Variants in CORO1C observed in about 807,000 individuals in gnomAD.
CORO1C encodes coronin 1C, also known as coronin-1C.
A neutral mutation model predicts 51.2 loss-of-function variants in CORO1C; 14 were observed. That is an observed-to-expected ratio of 0.27 (90% CI 0.18 to 0.43). CORO1C has a LOEUF of 0.43. Among genes scored for constraint, CORO1C ranks in the 20% least tolerant of loss-of-function variants. The probability of loss-of-function intolerance (pLI) is 1.00; values close to 1 mark genes in which losing one functional copy is unlikely to be tolerated. For missense variants in CORO1C, 417 were observed against 607.8 expected (o/e 0.69, Z 3.30); for synonymous variants, 181 against 210.5 (o/e 0.86, Z 1.21).
At chr12:108,679,301 T>C (rs954246832) in intron 2 of CORO1C, among the ~76,000 whole-genome samples, 1 of 152,164 alleles carries the variant, frequency 6.6e-6, no homozygotes, top group Admixed American at 6.6e-5. Context: ...TAACACCAAC[T>C]TAGACCTCAC....
chr12:108,694,958 T>G (rs918936196), intron 2 of CORO1C, among the ~76,000 whole-genome samples: 2 of 152,230 alleles, frequency 1.3e-5, no homozygotes, highest in African/African-American at 4.8e-5. Flanking sequence ...TAACAAGTTA[T>G]CCTAAAATTC....
chr12:108,694,493 G>A (rs2034610833), intron 2 of CORO1C, among the ~76,000 whole-genome samples: 1 of 151,914 alleles, frequency 6.6e-6, no homozygotes, highest in Non-Finnish European at 1.5e-5. Flanking sequence ...TAAGTTCATT[G>A]TAAAAAAATA....
chr12:108,719,901 C>T (rs1183451140), intron 1 of CORO1C, among the ~76,000 whole-genome samples: 2 of 152,144 alleles, frequency 1.3e-5, no homozygotes, highest in Non-Finnish European at 2.9e-5. Context: ...ACTTGCTAAC[C>T]AGGCCAGGCA....
Position 108,708,325 on chromosome 12 carries a change from A to C in CORO1C, c.-5-7002T>G, listed in dbSNP as rs565250213. Among the ~76,000 whole-genome samples the C allele has an allele frequency of 2.8e-4, 42 of 152,362 alleles. 1 individual carries two copies. The highest frequency in any genetic ancestry group is 9.4e-4 in the African/African-American group (39 of 41,588). Reference sequence around the variant, plus strand: ...CAATAAAAAGGAATGAAGTACTAATACATGCTACAACTTGGATGAATCTTA... The same window carrying C: ...CAATAAAAAGGAATGAAGTACTAATCCATGCTACAACTTGGATGAATCTTA... On this transcript the variant is annotated intron_variant, in intron 1 of 10. Transcript: ENST00000261401.
intron 6 of CORO1C, among the ~76,000 whole-genome samples, chr12:108,657,042 C>T (rs1372677590): frequency 6.6e-6 from 1 of 151,188 alleles, no homozygotes. Flanking sequence ...CAAAAATGAC[C>T]AATAAAATTA....
intron 1 of CORO1C, among the ~76,000 whole-genome samples, chr12:108,715,072 A>C (rs1258725101): frequency 2.6e-5 from 4 of 151,972 alleles, no homozygotes; most frequent in Admixed American, 6.5e-5. Flanking sequence ...ACAAAAGATA[A>C]AATTCCTAAA....
chr12:108,679,130 G>GAAAA (rs2034027068), intron 2 of CORO1C, among the ~76,000 whole-genome samples: 1 of 50,786 alleles, frequency 2.0e-5, no homozygotes, highest in Admixed American at 2.4e-4. Flanking sequence ...AAAAAAAAAA[G>GAAAA]AAACAAGAAA....
chr12:108,694,324 C>T (rs1405512697), intron 2 of CORO1C, among the ~76,000 whole-genome samples: 6 of 149,294 alleles, frequency 4.0e-5, no homozygotes, highest in Admixed American at 2.0e-4. Context: ...CACCACAGGT[C>T]GCTGCACATG....
intron 8 of CORO1C, 28 bp downstream of exon 8, chr12:108,652,244 A>G: frequency 6.2e-7 from 1 of 1,607,800 alleles, no homozygotes; most frequent in African/African-American, 1.3e-5. Flanking sequence ...ACACCAACCT[A>G]GAATACTTGA....
At chr12:108,672,746 CTG>C (rs937153453) in intron 3 of CORO1C, among the ~76,000 whole-genome samples, 2 of 152,106 alleles carry the variant, frequency 1.3e-5, no homozygotes, top group African/African-American at 4.8e-5. Flanking sequence ...TTCACTGTCT[CTG>C]TGTCACATTT....
rs1017175839 is a variant in CORO1C, at chr12:108,700,958, T to A, written c.195+166A>T. The A allele has an allele frequency of 8.0e-6, 6 of 745,752 alleles. No homozygotes were observed. In the Admixed American group the frequency reaches 1.4e-4, roughly 18 times the overall value. The allele number at this position is 745,752 out of a possible 1,614,324, so 46.2% of individuals were successfully genotyped here. ...ACTATTCTATTTAATGATTCTCTGT[T>A]AGAGAAAAACTGATGTGGTTAGTAA... On this transcript the variant is annotated intron_variant, in intron 2 of 10. Coordinates refer to ENST00000261401, the MANE Select transcript of CORO1C (RefSeq NM_014325.4).
chr12:108,709,908 G>T (rs10507233), intron 1 of CORO1C, among the ~76,000 whole-genome samples: 8,670 of 152,236 alleles, frequency 0.057, 507 homozygotes, highest in East Asian at 0.31. Flanking sequence ...GCTTGCAACA[G>T]TAAGATCATC....
At chr12:108,654,014 T>A (rs1225636382) in intron 7 of CORO1C, among the ~76,000 whole-genome samples, 1 of 152,212 alleles carries the variant, frequency 6.6e-6, no homozygotes, top group Non-Finnish European at 1.5e-5. Flanking sequence ...CAGTGTATCT[T>A]CTTTTTTTCA....
chr12:108,649,212 G>T, intron 8 of CORO1C, 192 bp from the exon 9 acceptor site: 1 of 638,292 alleles, frequency 1.6e-6, no homozygotes, highest in Non-Finnish European at 2.7e-6. Flanking sequence ...GAAGCTGAGA[G>T]TCACTATGCT....
rs964468238 is a variant in CORO1C at position 108,696,807 on chromosome 12, A to G, written c.195+4317T>C. The stretch of plus-strand genomic sequence containing the variant: ...TGGAAGCATTACAAAAGAGAGTGGG[A>G]ATCACGTGTGCTAATCTAAATCAAC... On this transcript the variant is annotated intron_variant, in intron 2 of 10. Coordinates refer to ENST00000261401, the MANE Select transcript of CORO1C (RefSeq NM_014325.4). Among the ~76,000 whole-genome samples the G allele has an allele frequency of 3.9e-5, 6 of 152,212 alleles. No homozygotes were observed. The South Asian group carries it at 1.0e-3, about 26-fold the overall frequency.
chr12:108,722,696 C>T (rs1236599772), intron 1 of CORO1C, among the ~76,000 whole-genome samples: 1 of 152,180 alleles, frequency 6.6e-6, no homozygotes, highest in Non-Finnish European at 1.5e-5. Context: ...GAACACAACC[C>T]AGTCTTGAGT....
chr12:108,664,013 T>C (rs1385891957), intron 3 of CORO1C, among the ~76,000 whole-genome samples: 1 of 152,142 alleles, frequency 6.6e-6, no homozygotes, highest in Non-Finnish European at 1.5e-5. Flanking sequence ...TTTCAAAAGG[T>C]TAAGAAACAA....
rs1220089077 is a variant in CORO1C at position 108,678,402 on chromosome 12, A to C, written c.196-8T>G. ...TTTGTCAATTCGACCAGTCTGAAAGAAGAGAGAAACAAACCTATTATGTAA... is the reference window on the plus strand; with the variant it reads ...TTTGTCAATTCGACCAGTCTGAAAGCAGAGAGAAACAAACCTATTATGTAA... On this transcript the variant is annotated splice_region_variant and splice_polypyrimidine_tract_variant and intron_variant, in intron 2 of 10. Transcript: ENST00000261401. The C allele has an allele frequency of 6.4e-7, 1 of 1,569,160 alleles. No homozygotes were observed. The highest frequency in any genetic ancestry group is 8.7e-7 in the Non-Finnish European group (1 of 1,155,198).
At chr12:108,652,209 A>G in intron 8 of CORO1C, 63 bp downstream of exon 8, 1 of 1,495,392 alleles carries the variant, frequency 6.7e-7, no homozygotes, top group South Asian at 1.2e-5. Context: ...ATGCTAGTCC[A>G]AGTACAAATA....
Sources: allele counts gnomAD v4.1 joint callset (sites outside exome capture counted in the v4.1 genomes callset), GRCh38; gene constraint gnomAD v4.1.1; transcripts MANE v1.5; gene names NCBI Gene and HGNC (gene_info 2026-07-23, HGNC 2026-07-21).